KLF12: variants seen among roughly 807,000 people sequenced by gnomAD.
KLF12 encodes KLF transcription factor 12, also known as Krueppel-like factor 12.
A neutral mutation model predicts 37.8 loss-of-function variants in KLF12; 9 were observed. That is an observed-to-expected ratio of 0.24 (90% CI 0.14 to 0.42). KLF12 has a LOEUF of 0.42. Ranked by LOEUF, KLF12 falls within the 10% of genes least tolerant of loss-of-function variation. KLF12 has a pLI of 1.00. For missense variants in KLF12, 411 were observed against 516.0 expected (o/e 0.80, Z 1.97); for synonymous variants, 208 against 202.1 (o/e 1.03, Z -0.25).
the KLF12 span, among the ~76,000 whole-genome samples, chr13:74,255,500 A>G: frequency 1.3e-5 from 2 of 152,220 alleles, no homozygotes; most frequent in Non-Finnish European, 2.9e-5. Context: ...TCAGAATTTC[A>G]TTGAGCTTTC....
chr13:74,111,286 G>A (rs1876960025), intron 1 of KLF12, among the ~76,000 whole-genome samples: 1 of 152,026 alleles, frequency 6.6e-6, no homozygotes, highest in Non-Finnish European at 1.5e-5. Flanking sequence ...AGATGGTACT[G>A]TACTGTAGCC....
At chr13:73,712,077 G>T (rs1163132119) in intron 7 of KLF12, among the ~76,000 whole-genome samples, 1 of 152,100 alleles carries the variant, frequency 6.6e-6, no homozygotes, top group Non-Finnish European at 1.5e-5. Flanking sequence ...GGTGGCTCAC[G>T]CCTGTAATCC....
chr13:74,234,771 T>A, the KLF12 span, among the ~76,000 whole-genome samples: 2 of 152,094 alleles, frequency 1.3e-5, no homozygotes, highest in African/African-American at 4.8e-5. Flanking sequence ...TTCGGAGATC[T>A]CTTTCCAAAT....
chr13:74,256,010 C>T, the KLF12 span, among the ~76,000 whole-genome samples: 1 of 152,002 alleles, frequency 6.6e-6, no homozygotes, highest in Non-Finnish European at 1.5e-5. Context: ...AAAAAATTAG[C>T]CAGGCGTGGT....
At chr13:73,853,737 TAAAA>T (rs10715902) in intron 3 of KLF12, among the ~76,000 whole-genome samples, 3 of 139,612 alleles carry the variant, frequency 2.1e-5, no homozygotes, top group Non-Finnish European at 3.1e-5. Flanking sequence ...AGACCCTGTC[TAAAA>T]AAAAAAAAAA....
At chr13:73,954,276 C>G (rs1164634950) in intron 2 of KLF12, among the ~76,000 whole-genome samples, 1 of 152,038 alleles carries the variant, frequency 6.6e-6, no homozygotes, top group African/African-American at 2.4e-5. Context: ...CCGCACCCAG[C>G]CCGGTTTTGT....
chr13:73,856,322 T>TC (rs1410767248), intron 3 of KLF12, among the ~76,000 whole-genome samples: 1 of 152,112 alleles, frequency 6.6e-6, no homozygotes, highest in African/African-American at 2.4e-5. Context: ...TGCTTATCCA[T>TC]CAGAAACAAG....
chr13:73,882,764 A>T (rs966437797), intron 3 of KLF12, among the ~76,000 whole-genome samples: 3 of 152,232 alleles, frequency 2.0e-5, no homozygotes, highest in African/African-American at 7.2e-5. Context: ...TTACAAAAGA[A>T]TTACGAATAT....
At chr13:73,910,466 C>T (rs1443576038) in intron 3 of KLF12, among the ~76,000 whole-genome samples, 5 of 152,086 alleles carry the variant, frequency 3.3e-5, no homozygotes, top group Non-Finnish European at 7.4e-5. Context: ...ATTAAAGCAA[C>T]TTGAATCTTA....
the KLF12 span, among the ~76,000 whole-genome samples, chr13:74,161,254 A>C: frequency 3.9e-4 from 59 of 152,174 alleles, no homozygotes; most frequent in South Asian, 4.4e-3. Flanking sequence ...TCCTCCCAAA[A>C]TTTACATCCA....
At chr13:74,295,214 A>C in the KLF12 span, among the ~76,000 whole-genome samples, 1 of 152,118 alleles carries the variant, frequency 6.6e-6, no homozygotes, top group Non-Finnish European at 1.5e-5. Flanking sequence ...CGATAGCTTA[A>C]TTACTCCTCC....
chr13:74,190,076 CTTGAGAGTATA>C, the KLF12 span, among the ~76,000 whole-genome samples: 1 of 152,052 alleles, frequency 6.6e-6, no homozygotes, highest in African/African-American at 2.4e-5. Context: ...AATTCACATG[CTTGAGAGTATA>C]TTTTTAGTGT....
chr13:74,186,224 T>TA, the KLF12 span, among the ~76,000 whole-genome samples: 2 of 152,198 alleles, frequency 1.3e-5, no homozygotes, highest in East Asian at 3.8e-4. Context: ...TAAGAAACTG[T>TA]AATACTTTGA....
At chr13:74,094,349 A>C (rs1355524996) in intron 1 of KLF12, among the ~76,000 whole-genome samples, 1 of 152,116 alleles carries the variant, frequency 6.6e-6, no homozygotes, top group Non-Finnish European at 1.5e-5. Flanking sequence ...ATGAATATGC[A>C]TTTGTGGAGG....
intron 6 of KLF12, among the ~76,000 whole-genome samples, chr13:73,754,674 C>T (rs1879021175): frequency 6.6e-6 from 1 of 152,090 alleles, no homozygotes; most frequent in Non-Finnish European, 1.5e-5. Context: ...AAGGCTACTG[C>T]TGGCAAAAAA....
At chr13:74,257,912 T>C in the KLF12 span, 6 of 152,308 alleles carry the variant, frequency 3.9e-5, no homozygotes, top group South Asian at 1.0e-3. Context: ...ATTTCCTGTC[T>C]TACTTGAAAA....
chr13:73,861,964 G>A (rs186729434), intron 3 of KLF12, among the ~76,000 whole-genome samples: 2 of 151,770 alleles, frequency 1.3e-5, no homozygotes, highest in South Asian at 2.1e-4. Flanking sequence ...GTGTGTCTAC[G>A]TGTTCCTAGC....
chr13:74,237,059 A>AT, the KLF12 span, among the ~76,000 whole-genome samples: 1 of 109,782 alleles, frequency 9.1e-6, no homozygotes, highest in Non-Finnish European at 1.7e-5. Context: ...TTCTTCTAGG[A>AT]TTTTTATGGT....
At chr13:73,906,641 G>A (rs1888311789) in intron 3 of KLF12, among the ~76,000 whole-genome samples, 1 of 152,070 alleles carries the variant, frequency 6.6e-6, no homozygotes, top group Non-Finnish European at 1.5e-5. Flanking sequence ...TCCAATATCT[G>A]TAACTCCTTA....
Sources: allele counts gnomAD v4.1 joint callset (sites outside exome capture counted in the v4.1 genomes callset), GRCh38; gene constraint gnomAD v4.1.1; transcripts MANE v1.5; gene names NCBI Gene and HGNC (gene_info 2026-07-23, HGNC 2026-07-21).